The following MANBA variants were observed in gnomAD, a reference collection of about 807,000 sequenced individuals.
MANBA encodes beta-mannosidase.
In MANBA, 83 loss-of-function variants were observed where a neutral mutation model predicts 111.1. The ratio of observed to expected loss-of-function variants is 0.75; its 90% CI spans 0.63 to 0.90. The LOEUF (loss-of-function observed/expected upper bound fraction) is 0.90. MANBA is among the 40% of genes least tolerant of loss of function. The probability of loss-of-function intolerance (pLI) is 0.00; values close to 1 mark genes in which losing one functional copy is unlikely to be tolerated. For synonymous variants in MANBA, 370 were observed against 378.7 expected, an observed-to-expected ratio of 0.98 and a Z score of 0.27; for missense variants, 1,036 against 1,069.0, an observed-to-expected ratio of 0.97 and a Z score of 0.43.
At chr4:102,657,525 C>T (rs184942209) in intron 12 of MANBA, among the ~76,000 whole-genome samples, 157 bp downstream of exon 12, 7 of 152,180 alleles carry the variant, frequency 4.6e-5, no homozygotes, top group Non-Finnish European at 8.8e-5. Flanking sequence ...AAAAGTAATC[C>T]CCAAAGGTTT....
chr4:102,679,603 A>G (rs1215057226), intron 7 of MANBA: 2 of 152,100 alleles, frequency 1.3e-5, no homozygotes, highest in Non-Finnish European at 2.9e-5. Context: ...TGCTATTTTC[A>G]GCCTTACCTT....
chr4:102,760,467 T>A (rs1724197494), intron 1 of MANBA, among the ~76,000 whole-genome samples: 1 of 152,212 alleles, frequency 6.6e-6, no homozygotes, highest in Non-Finnish European at 1.5e-5. Context: ...GTAGCAACAC[T>A]GTTCCCCTAT....
Position 102,664,696 on chromosome 4 carries a change from G to A in MANBA, c.1474C>T (p.Leu492Phe). Reference sequence around the variant, plus strand: ...AAATCATTACTTACTGCCAGTACGAGCTCTCTGATGTTTTTCACATAGAGT... The same window carrying A: ...AAATCATTACTTACTGCCAGTACGAACTCTCTGATGTTTTTCACATAGAGT... ...VTLYVKNIRE[L>F]VLAGDKSRPF... Residue 492 changes from leucine to phenylalanine, a missense_variant, in exon 11 of 17, where the codon CTC becomes TTC. Leu to Phe is a conservative substitution (Grantham distance 22). Transcript: ENST00000647097. 2 of 1,612,356 alleles carry A rather than the reference G, an allele frequency of 1.2e-6. No individual in the cohort carries two copies. Among genetic ancestry groups the A allele is most frequent in the Non-Finnish European group, 1.7e-6 (2 of 1,178,320 alleles).
Position 102,642,531 on chromosome 4 carries a change from TG to T in MANBA, c.1870-2675del, listed in dbSNP as rs756856487. The stretch of plus-strand genomic sequence containing the variant: ...CTGAGGCAGGAGAATGGCTTGAACT[TG>T]GGAGGCAGAGGTTGCAGTGAGCCGA... On this transcript the variant is annotated intron_variant, in intron 13 of 16. Coordinates refer to ENST00000647097, the MANE Select transcript of MANBA (RefSeq NM_005908.4). Among the ~76,000 whole-genome samples the T allele has an allele frequency of 8.8e-4, 134 of 152,080 alleles. 1 individual carries two copies. The East Asian group carries it at 0.013, about 15-fold the overall frequency.
intron 1 of MANBA, among the ~76,000 whole-genome samples, chr4:102,745,099 C>A (rs1723542291): frequency 6.6e-6 from 1 of 152,150 alleles, no homozygotes; most frequent in African/African-American, 2.4e-5. Context: ...TCTCCATAAG[C>A]CTCTACTTCA....
intron 12 of MANBA, among the ~76,000 whole-genome samples, chr4:102,653,348 C>G (rs1730426640): frequency 6.6e-6 from 1 of 151,946 alleles, no homozygotes; most frequent in South Asian, 2.1e-4. Flanking sequence ...CAAGATGATA[C>G]AGATAATGAA....
chr4:102,654,853 G>A (rs75927052), intron 12 of MANBA, among the ~76,000 whole-genome samples: 2,457 of 152,128 alleles, frequency 0.016, 66 homozygotes, highest in African/African-American at 0.054. Context: ...TTAAGAAAAT[G>A]AAATAAAAGG....
chr4:102,719,101 G>A (rs1276106510), intron 4 of MANBA, among the ~76,000 whole-genome samples: 1 of 152,166 alleles, frequency 6.6e-6, no homozygotes, highest in Non-Finnish European at 1.5e-5. Flanking sequence ...CCCAATCCTA[G>A]TAAGCCTGAG....
At chr4:102,717,686 G>A (rs905900512) in intron 4 of MANBA, among the ~76,000 whole-genome samples, 1 of 152,134 alleles carries the variant, frequency 6.6e-6, no homozygotes, top group Non-Finnish European at 1.5e-5. Flanking sequence ...GAGTCACTGT[G>A]CCGGCCCAGA....
In MANBA at chr4:102,723,934, T is replaced by C. The variant is rs1318332219; in HGVS notation, c.306A>G (p.Gly102=). 2 of 1,610,658 alleles carry C rather than the reference T, an allele frequency of 1.2e-6. No individual in the cohort carries two copies. Among genetic ancestry groups the C allele is most frequent in the Admixed American group, 3.3e-5 (2 of 59,926 alleles). Residue 102 remains glycine (G), a synonymous_variant, in exon 3 of 17, where the codon GGA becomes GGG. Coordinates refer to ENST00000647097, the MANE Select transcript of MANBA (RefSeq NM_005908.4). ...KWQKVNLILE[G]VDTVSKILFN... ...ACAGGATTTTTGAAACCGTATCCAC[T>C]CCCTCAAGAATCAAATTTACTTTTT...
intron 1 of MANBA, chr4:102,728,629 T>G: frequency 2.0e-6 from 1 of 504,382 alleles, no homozygotes; most frequent in East Asian, 4.1e-5. Context: ...TAAACTACCC[T>G]GTGGGTGGGT....
chr4:102,658,288 A>C (rs1224582283), intron 11 of MANBA, among the ~76,000 whole-genome samples: 3 of 152,126 alleles, frequency 2.0e-5, no homozygotes, highest in African/African-American at 4.8e-5. Flanking sequence ...TATGCATTGT[A>C]GGATATTTAG....
chr4:102,648,476 A>G (rs1050686665), intron 13 of MANBA, among the ~76,000 whole-genome samples: 3 of 152,144 alleles, frequency 2.0e-5, no homozygotes, highest in Non-Finnish European at 2.9e-5. Context: ...AAGAAGCCAG[A>G]TGCAAAAGAT....
At chr4:102,750,968 G>C (rs1343995345) in intron 1 of MANBA, among the ~76,000 whole-genome samples, 1 of 152,124 alleles carries the variant, frequency 6.6e-6, no homozygotes, top group Non-Finnish European at 1.5e-5. Flanking sequence ...ATAGTGGATA[G>C]AGAAGAAACA....
At chr4:102,694,694 C>T (rs1397335659) in intron 5 of MANBA, among the ~76,000 whole-genome samples, 1 of 152,080 alleles carries the variant, frequency 6.6e-6, no homozygotes, top group Non-Finnish European at 1.5e-5. Flanking sequence ...CAGAGCTCAT[C>T]CTTCCAATCA....
chr4:102,663,380 A>G (rs114096488), intron 11 of MANBA, among the ~76,000 whole-genome samples: 1,713 of 152,318 alleles, frequency 0.011, 23 homozygotes, highest in African/African-American at 0.039. Context: ...ATACTTAACC[A>G]CTATGCTATA....
At chr4:102,663,831 G>C (rs1731078571) in intron 11 of MANBA, among the ~76,000 whole-genome samples, 1 of 152,094 alleles carries the variant, frequency 6.6e-6, no homozygotes, top group Non-Finnish European at 1.5e-5. Flanking sequence ...TGAAAAAAAT[G>C]CTGCTTTTTC....
At chr4:102,675,011 A>G (rs1731665896) in intron 7 of MANBA, among the ~76,000 whole-genome samples, 1 of 152,216 alleles carries the variant, frequency 6.6e-6, no homozygotes, top group Non-Finnish European at 1.5e-5. Context: ...TAACTTTACA[A>G]GAAGATACAG....
intron 14 of MANBA, among the ~76,000 whole-genome samples, chr4:102,637,872 G>C (rs1729698045): frequency 6.6e-6 from 1 of 152,212 alleles, no homozygotes; most frequent in South Asian, 2.1e-4. Flanking sequence ...CCAGCTTGAA[G>C]CTGGTCAGTC....
Sources: allele counts gnomAD v4.1 joint callset (sites outside exome capture counted in the v4.1 genomes callset), GRCh38; gene constraint gnomAD v4.1.1; transcripts MANE v1.5; gene names NCBI Gene and HGNC (gene_info 2026-07-23, HGNC 2026-07-21).